The following PRR16 variants were observed in gnomAD, a reference collection of about 807,000 sequenced individuals.
The protein encoded by PRR16 is protein Largen.
A neutral mutation model predicts 18.2 loss-of-function variants in PRR16; 6 were observed. The ratio of observed to expected loss-of-function variants is 0.33; its 90% CI spans 0.18 to 0.65. The LOEUF (loss-of-function observed/expected upper bound fraction) is 0.65. Among genes scored for constraint, PRR16 ranks in the 30% least tolerant of loss-of-function variants. The pLI is 0.74. For missense variants in PRR16, 412 were observed against 376.6 expected, an observed-to-expected ratio of 1.09 and a Z score of -0.78; for synonymous variants, 151 against 147.8, an observed-to-expected ratio of 1.02 and a Z score of -0.16.
downstream of PRR16, among the ~76,000 whole-genome samples, chr5:120,691,458 A>G (rs1228130326): frequency 6.6e-6 from 1 of 152,034 alleles, no homozygotes; most frequent in Non-Finnish European, 1.5e-5. Flanking sequence ...TTCACCTTTT[A>G]GTTTTTTTTC....
intron 1 of PRR16, among the ~76,000 whole-genome samples, chr5:120,484,648 C>T (rs952513144): frequency 1.5e-4 from 22 of 144,562 alleles, no homozygotes; most frequent in Admixed American, 7.1e-5. Flanking sequence ...AATATATATA[C>T]ACATTTTTAT....
the PRR16 span, among the ~76,000 whole-genome samples, chr5:120,757,825 A>G: frequency 6.6e-6 from 1 of 151,814 alleles, no homozygotes; most frequent in African/African-American, 2.4e-5. Context: ...ACTCAAAATG[A>G]AGGTGATATT....
intron 1 of PRR16, among the ~76,000 whole-genome samples, chr5:120,472,917 G>T (rs758545986): frequency 1.3e-5 from 2 of 152,144 alleles, no homozygotes; most frequent in Non-Finnish European, 2.9e-5. Context: ...TGGACAAAAA[G>T]TTTTCAGAAC....
chr5:120,560,110 A>T (rs1190844502), intron 1 of PRR16, among the ~76,000 whole-genome samples: 2 of 151,938 alleles, frequency 1.3e-5, no homozygotes, highest in Non-Finnish European at 2.9e-5. Context: ...TTTCATTCCA[A>T]TTTGGATGCC....
intron 1 of PRR16, among the ~76,000 whole-genome samples, chr5:120,597,768 A>C (rs897981119): frequency 6.6e-6 from 1 of 151,784 alleles, no homozygotes; most frequent in Non-Finnish European, 1.5e-5. Context: ...TTATCTTTCT[A>C]CTTCTCTTCC....
At chr5:120,777,776 C>A in the PRR16 span, among the ~76,000 whole-genome samples, 1 of 151,906 alleles carries the variant, frequency 6.6e-6, no homozygotes, top group African/African-American at 2.4e-5. Context: ...CTGAATACTG[C>A]GAATCTATTA....
chr5:120,697,007 G>T, the PRR16 span, among the ~76,000 whole-genome samples: 3 of 152,182 alleles, frequency 2.0e-5, no homozygotes, highest in East Asian at 5.8e-4. Flanking sequence ...TTAAATTAAT[G>T]TATGAAGATT....
At chr5:120,505,481 A>G (rs1750609916) in intron 1 of PRR16, among the ~76,000 whole-genome samples, 1 of 152,106 alleles carries the variant, frequency 6.6e-6, no homozygotes, top group African/African-American at 2.4e-5. Flanking sequence ...CTTGGAGAGG[A>G]CTTGAGTAGT....
At chr5:120,783,204 A>G in the PRR16 span, among the ~76,000 whole-genome samples, 1 of 152,192 alleles carries the variant, frequency 6.6e-6, no homozygotes, top group Admixed American at 6.5e-5. Flanking sequence ...TTTTCTTCAC[A>G]TTACAATAAT....
intron 1 of PRR16, among the ~76,000 whole-genome samples, chr5:120,529,040 G>C (rs1260284935): frequency 2.0e-5 from 3 of 151,666 alleles, no homozygotes; most frequent in African/African-American, 4.8e-5. Context: ...TTCAATTTTT[G>C]TCTCCTCCCT....
chr5:120,779,367 A>C, the PRR16 span, among the ~76,000 whole-genome samples: 2 of 152,220 alleles, frequency 1.3e-5, no homozygotes, highest in African/African-American at 2.4e-5. Flanking sequence ...TGCTTAGCTT[A>C]GGTTGATGGA....
chr5:120,724,030 A>G, the PRR16 span, among the ~76,000 whole-genome samples: 1 of 151,630 alleles, frequency 6.6e-6, no homozygotes, highest in Non-Finnish European at 1.5e-5. Context: ...TCTGTTTGCA[A>G]TATTTTCTTC....
the PRR16 span, among the ~76,000 whole-genome samples, chr5:120,698,867 C>T: frequency 6.6e-6 from 1 of 152,050 alleles, no homozygotes; most frequent in Non-Finnish European, 1.5e-5. Flanking sequence ...TCACTGAATA[C>T]TAAGAGCCTG....
At chr5:120,633,090 AT>A (rs1755111037) in intron 1 of PRR16, among the ~76,000 whole-genome samples, 1 of 85,650 alleles carries the variant, frequency 1.2e-5, no homozygotes, top group African/African-American at 3.1e-5. Flanking sequence ...CTCCTTAAAC[AT>A]AACAATTATC....
At chr5:120,773,493 T>C in the PRR16 span, among the ~76,000 whole-genome samples, 2 of 152,176 alleles carry the variant, frequency 1.3e-5, no homozygotes, top group African/African-American at 4.8e-5. Context: ...GGTCTAGCTT[T>C]CTTTTCAAAA....
the PRR16 span, among the ~76,000 whole-genome samples, chr5:120,715,971 G>A: frequency 6.6e-6 from 1 of 152,090 alleles, no homozygotes; most frequent in Admixed American, 6.5e-5. Context: ...TCAAACTAGG[G>A]TTTAGGCTTT....
chr5:120,595,579 G>T lies in PRR16; in HGVS notation c.160-90375G>T, dbSNP rs74687762. ...GAAGATTAGTAAAAATAACTATTGG[G>T]TTATATGCTTAGTACCTGAGTAACA... On this transcript the variant is annotated intron_variant, in intron 1 of 1. Coordinates refer to ENST00000407149, the MANE Select transcript of PRR16 (RefSeq NM_001300783.2). Among the ~76,000 whole-genome samples the T allele has an allele frequency of 5.4e-3, 813 of 151,836 alleles. 6 individuals carry two copies. Among genetic ancestry groups the T allele is most frequent in the African/African-American group, 0.019 (777 of 41,458 alleles).
the PRR16 span, among the ~76,000 whole-genome samples, chr5:120,741,276 C>CA: frequency 2.0e-5 from 3 of 152,012 alleles, no homozygotes; most frequent in African/African-American, 7.2e-5. Context: ...GGCAGAGTCT[C>CA]ACTGTGTTGC....
intron 1 of PRR16, among the ~76,000 whole-genome samples, chr5:120,546,939 G>A (rs984231897): frequency 6.6e-6 from 1 of 152,134 alleles, no homozygotes; most frequent in African/African-American, 2.4e-5. Context: ...TAGTTATATC[G>A]ATACTCACTC....
Sources: allele counts gnomAD v4.1 joint callset (sites outside exome capture counted in the v4.1 genomes callset), GRCh38; gene constraint gnomAD v4.1.1; transcripts MANE v1.5; gene names NCBI Gene and HGNC (gene_info 2026-07-23, HGNC 2026-07-21).